CCDC171: variants seen among roughly 807,000 people sequenced by gnomAD.
CCDC171 encodes coiled-coil domain-containing protein 171.
In CCDC171, 177 loss-of-function variants were observed where a neutral mutation model predicts 168.2. The observed-to-expected ratio is 1.05, with a 90% CI of 0.93 to 1.19. CCDC171 has a LOEUF of 1.19. Among genes scored for constraint, CCDC171 ranks in the 50% most tolerant of loss-of-function variants. The pLI is 0.00. For synonymous variants in CCDC171, 687 were observed against 540.8 expected (o/e 1.27, Z -3.75); for missense variants, 1,991 against 1,539.0 (o/e 1.29, Z -4.91).
At chr9:15,921,214 A>C (rs918114725) in intron 25 of CCDC171, among the ~76,000 whole-genome samples, 1 of 151,714 alleles carries the variant, frequency 6.6e-6, no homozygotes, top group Non-Finnish European at 1.5e-5. Flanking sequence ...GCTACATTCA[A>C]CAGAAAAAGA....
At chr9:15,711,802 G>A (rs2052688017) in intron 11 of CCDC171, among the ~76,000 whole-genome samples, 1 of 152,154 alleles carries the variant, frequency 6.6e-6, no homozygotes. Context: ...GTAAGTTGAG[G>A]CTGTCTGTAC....
intron 7 of CCDC171, among the ~76,000 whole-genome samples, chr9:15,631,388 A>G (rs1184114552): frequency 6.6e-6 from 1 of 152,174 alleles, no homozygotes; most frequent in Non-Finnish European, 1.5e-5. Flanking sequence ...AGAATAGTAT[A>G]AACACCTCTA....
intron 14 of CCDC171, 63 bp from the exon 15 acceptor site, chr9:15,727,806 A>G (rs749642448): frequency 6.5e-5 from 83 of 1,279,104 alleles, no homozygotes; most frequent in Non-Finnish European, 8.5e-5. Context: ...CATTAGTATT[A>G]TGTATTTTAC....
At chr9:15,629,262 C>A (rs999991549) in intron 7 of CCDC171, among the ~76,000 whole-genome samples, 4 of 151,960 alleles carry the variant, frequency 2.6e-5, no homozygotes, top group Non-Finnish European at 4.4e-5. Flanking sequence ...AAACCAAAGG[C>A]AAAGAAGTTG....
chr9:15,800,132 A>C (rs2058749857), intron 21 of CCDC171, among the ~76,000 whole-genome samples: 3 of 152,148 alleles, frequency 2.0e-5, no homozygotes, highest in Admixed American at 2.0e-4. Context: ...GTATATACCC[A>C]GCAGTGGGAT....
At chr9:15,807,266 G>A (rs567034805) in intron 21 of CCDC171, among the ~76,000 whole-genome samples, 12 of 152,184 alleles carry the variant, frequency 7.9e-5, no homozygotes, top group Non-Finnish European at 1.3e-4. Context: ...AACTAGTGTA[G>A]TCATTTGGAG....
chr9:15,862,646 C>T (rs1415579551), intron 23 of CCDC171, among the ~76,000 whole-genome samples: 1 of 151,512 alleles, frequency 6.6e-6, no homozygotes, highest in East Asian at 1.9e-4. Context: ...AAAAAAGAAC[C>T]TACCATCTCT....
chr9:15,666,852 A>G (rs1365894535), intron 9 of CCDC171, among the ~76,000 whole-genome samples: 1 of 152,126 alleles, frequency 6.6e-6, no homozygotes, highest in Non-Finnish European at 1.5e-5. Context: ...AATATTTGAC[A>G]TTTTCTCAAA....
rs527302824 is a variant in CCDC171 at position 15,597,788 on chromosome 9, G to A, written c.675+3616G>A. Among the ~76,000 whole-genome samples the A allele has an allele frequency of 2.2e-4, 34 of 152,122 alleles. No homozygotes were observed. In the South Asian group the frequency reaches 3.1e-3, roughly 14 times the overall value. On this transcript the variant is annotated intron_variant, in intron 6 of 25. Coordinates refer to ENST00000380701, the MANE Select transcript of CCDC171 (RefSeq NM_173550.4). ...TCCATCTGGTTCTGGACTTTTTTTG[G>A]TTGGTAAGCTATTAATTATTGCCTC...
At chr9:15,630,564 C>T (rs866601473) in intron 7 of CCDC171, among the ~76,000 whole-genome samples, 2 of 152,150 alleles carry the variant, frequency 1.3e-5, no homozygotes, top group South Asian at 4.1e-4. Context: ...TAGACTCCCA[C>T]ACAATAATAA....
At chr9:15,977,800 C>T (rs1294308503), downstream of CCDC171, among the ~76,000 whole-genome samples, 2 of 152,160 alleles carry the variant, frequency 1.3e-5, no homozygotes, top group African/African-American at 4.8e-5. Context: ...CATAAACATT[C>T]ACGATGACAA....
intron 14 of CCDC171, among the ~76,000 whole-genome samples, chr9:15,727,219 G>A (rs944600871): frequency 2.0e-5 from 3 of 151,916 alleles, no homozygotes; most frequent in African/African-American, 7.3e-5. Flanking sequence ...AATACTATAT[G>A]AACTTATAAG....
intron 2 of CCDC171, among the ~76,000 whole-genome samples, chr9:15,571,053 G>A (rs2040182830): frequency 1.3e-5 from 2 of 152,128 alleles, no homozygotes; most frequent in Non-Finnish European, 2.9e-5. Flanking sequence ...CAAAGGTGTT[G>A]CCAATTACTG....
At chr9:15,809,335 A>T (rs989638932) in intron 21 of CCDC171, among the ~76,000 whole-genome samples, 1 of 152,198 alleles carries the variant, frequency 6.6e-6, no homozygotes, top group Admixed American at 6.5e-5. Context: ...ATTGAAATTT[A>T]AATTAAAATG....
chr9:15,735,161 G>T (rs1015803681), intron 16 of CCDC171, among the ~76,000 whole-genome samples: 2 of 152,180 alleles, frequency 1.3e-5, no homozygotes, highest in Non-Finnish European at 1.5e-5. Context: ...AATGAAATTT[G>T]TAGAGAAGGC....
the CCDC171 span, among the ~76,000 whole-genome samples, chr9:16,092,511 C>T: frequency 6.6e-6 from 1 of 152,158 alleles, no homozygotes. Context: ...CTGCTCCCCA[C>T]CCCGCCGCCC....
chr9:15,900,799 C>T (rs1821527053), intron 24 of CCDC171, among the ~76,000 whole-genome samples: 5 of 152,152 alleles, frequency 3.3e-5, no homozygotes, highest in Admixed American at 2.6e-4. Context: ...CTTCCTTAGG[C>T]TCTGCTCTGC....
chr9:15,666,459 A>G, intron 9 of CCDC171, 136 bp downstream of exon 9: 2 of 588,322 alleles, frequency 3.4e-6, no homozygotes, highest in South Asian at 5.2e-5. Flanking sequence ...GTGACTTCAT[A>G]AAACATAACT....
chr9:16,095,495 C>G, the CCDC171 span, among the ~76,000 whole-genome samples: 2 of 148,928 alleles, frequency 1.3e-5, no homozygotes, highest in Non-Finnish European at 2.9e-5. Flanking sequence ...CTCTATATCT[C>G]TCTTTCCGTC....
Sources: allele counts gnomAD v4.1 joint callset (sites outside exome capture counted in the v4.1 genomes callset), GRCh38; gene constraint gnomAD v4.1.1; transcripts MANE v1.5; gene names NCBI Gene and HGNC (gene_info 2026-07-23, HGNC 2026-07-21).